The following DRC10 variants were observed in gnomAD, a reference collection of about 807,000 sequenced individuals.
DRC10 encodes IQ domain-containing protein D.
At chr12:113,209,327 A>G in the DRC10 span, among the ~76,000 whole-genome samples, 1 of 152,244 alleles carries the variant, frequency 6.6e-6, no homozygotes, top group Non-Finnish European at 1.5e-5. Context: ...CTGGAGTGGA[A>G]AAAGGACATT....
the DRC10 span, among the ~76,000 whole-genome samples, chr12:113,197,346 C>T: frequency 2.0e-5 from 3 of 152,042 alleles, no homozygotes; most frequent in Non-Finnish European, 4.4e-5. Context: ...CTTGCAGCTT[C>T]TGGCTCTTTT....
At chr12:113,207,880 TC>T in the DRC10 span, 1 of 1,614,158 alleles carries the variant, frequency 6.2e-7, no homozygotes, top group East Asian at 2.2e-5. Flanking sequence ...CTGGCAGAGA[TC>T]CTCATGCTCT....
chr12:113,210,745 G>C, the DRC10 span, among the ~76,000 whole-genome samples: 2 of 135,734 alleles, frequency 1.5e-5, no homozygotes, highest in East Asian at 4.2e-4. Context: ...CCCTTATCCT[G>C]TTCGTTCTCC....
At chr12:113,206,705 A>G in the DRC10 span, among the ~76,000 whole-genome samples, 1 of 151,716 alleles carries the variant, frequency 6.6e-6, no homozygotes, top group Non-Finnish European at 1.5e-5. Flanking sequence ...CAGTGAATCA[A>G]GATGTTGCCA....
At chr12:113,210,597 T>TAAAAAATA in the DRC10 span, among the ~76,000 whole-genome samples, 1 of 128,832 alleles carries the variant, frequency 7.8e-6, no homozygotes, top group East Asian at 2.2e-4. Context: ...CCCCATCTCT[T>TAAAAAATA]AAAAAAGAAA....
the DRC10 span, among the ~76,000 whole-genome samples, chr12:113,217,474 C>T: frequency 6.6e-6 from 1 of 152,210 alleles, no homozygotes; most frequent in Non-Finnish European, 1.5e-5. Flanking sequence ...CTATCACTCC[C>T]CCCAAATTCC....
chr12:113,208,473 T>C, the DRC10 span: 1 of 583,074 alleles, frequency 1.7e-6, no homozygotes, highest in Non-Finnish European at 2.4e-6. Context: ...CAGGCACATG[T>C]GTCAGGCGGG....
At chr12:113,197,934 C>A in the DRC10 span, among the ~76,000 whole-genome samples, 4 of 152,172 alleles carry the variant, frequency 2.6e-5, no homozygotes, top group South Asian at 4.1e-4. Flanking sequence ...GGACAGAAAT[C>A]AGCCTGGCGT....
the DRC10 span, among the ~76,000 whole-genome samples, chr12:113,219,309 T>TA: frequency 2.8e-4 from 43 of 152,314 alleles, no homozygotes; most frequent in Non-Finnish European, 5.6e-4. Context: ...GTGCTGGGAT[T>TA]ACAGGCACGA....
chr12:113,211,073 G>A, the DRC10 span, among the ~76,000 whole-genome samples: 1 of 152,084 alleles, frequency 6.6e-6, no homozygotes, highest in Non-Finnish European at 1.5e-5. Context: ...TAAACTCATT[G>A]AGCTCTAGCT....
At chr12:113,200,839 G>A in the DRC10 span, 48 of 1,484,880 alleles carry the variant, frequency 3.2e-5, no homozygotes, top group Admixed American at 4.2e-5. Context: ...AAAGGGCTCC[G>A]TTAATACCTC....
the DRC10 span, chr12:113,200,125 C>A: frequency 6.1e-6 from 2 of 328,982 alleles, no homozygotes; most frequent in South Asian, 4.7e-5. Flanking sequence ...CATGTAACAA[C>A]CATTAAGACC....
the DRC10 span, chr12:113,207,386 A>G: frequency 2.0e-6 from 3 of 1,473,262 alleles, no homozygotes; most frequent in Non-Finnish European, 1.9e-6. Context: ...CCCAACCAAC[A>G]AAAGATTTGT....
the DRC10 span, chr12:113,200,761 A>G: frequency 6.4e-4 from 988 of 1,535,850 alleles, 15 homozygotes; most frequent in South Asian, 0.011. Flanking sequence ...GAACTTGAGC[A>G]CCTGGTGCAG....
At chr12:113,207,251 G>A in the DRC10 span, 2 of 668,538 alleles carry the variant, frequency 3.0e-6, no homozygotes, top group South Asian at 3.2e-5. Context: ...GGGAGGCTGT[G>A]GTGGGAGAAT....
chr12:113,207,220 C>G, the DRC10 span: 1 of 605,968 alleles, frequency 1.7e-6, no homozygotes. Context: ...TGGTGGCATA[C>G]GCCTGTAATC....
At chr12:113,214,946 G>T in the DRC10 span, among the ~76,000 whole-genome samples, 684 of 152,268 alleles carry the variant, frequency 4.5e-3, 2 homozygotes, top group African/African-American at 0.016. Context: ...TAGGGCTGCA[G>T]CAATGAATGC....
the DRC10 span, among the ~76,000 whole-genome samples, chr12:113,217,436 A>G: frequency 6.6e-6 from 1 of 152,178 alleles, no homozygotes; most frequent in East Asian, 1.9e-4. Flanking sequence ...AAGTTGCCAC[A>G]TCACTACAAT....
At chr12:113,200,724 C>T in the DRC10 span, 6 of 1,536,218 alleles carry the variant, frequency 3.9e-6, no homozygotes, top group Admixed American at 1.2e-4. Context: ...CAGCCTCCTG[C>T]TTAGTGCGAA....
Sources: gnomAD v4.1 joint callset for allele counts (sites outside exome capture counted in the v4.1 genomes callset) on GRCh38, gnomAD v4.1.1 for gene constraint, MANE v1.5 for transcripts, NCBI Gene and HGNC (gene_info 2026-07-23, HGNC 2026-07-21) for gene names.